ADAM22: variants seen among roughly 807,000 people sequenced by gnomAD.
ADAM22 encodes the protein ADAM metallopeptidase domain 22.
In ADAM22, 65 loss-of-function variants were observed where a neutral mutation model predicts 144.6. That is an observed-to-expected ratio of 0.45 (90% CI 0.37 to 0.55). The LOEUF (loss-of-function observed/expected upper bound fraction) is 0.55. Ranked by LOEUF, ADAM22 falls within the 20% of genes least tolerant of loss-of-function variation. The probability of loss-of-function intolerance (pLI) is 0.00; values close to 1 mark genes in which losing one functional copy is unlikely to be tolerated. For synonymous variants in ADAM22, 391 were observed against 412.6 expected (o/e 0.95, Z 0.63); for missense variants, 974 against 1,184.9 (o/e 0.82, Z 2.61).
chr7:88,137,683 A>G (rs1307076211), intron 14 of ADAM22, among the ~76,000 whole-genome samples: 1 of 152,166 alleles, frequency 6.6e-6, no homozygotes, highest in East Asian at 1.9e-4. Flanking sequence ...ATTAGTTATA[A>G]ATTTTTGAGG....
intron 30 of ADAM22, among the ~76,000 whole-genome samples, chr7:88,189,229 TATCTCGCCACACCCA>T (rs1463826469): frequency 2.6e-5 from 4 of 152,044 alleles, no homozygotes; most frequent in Non-Finnish European, 5.9e-5. Context: ...ACAAGAGCAT[TATCTCGCCACACCCA>T]GATCCTGGAT....
chr7:88,037,839 AT>A, intron 3 of ADAM22, among the ~76,000 whole-genome samples: 2 of 152,310 alleles, frequency 1.3e-5, no homozygotes, highest in South Asian at 4.1e-4. Flanking sequence ...TTCTGTGATA[AT>A]ATAGCCATAT....
At chr7:87,955,119 C>T (rs1490854317) in intron 2 of ADAM22, among the ~76,000 whole-genome samples, 14 of 152,190 alleles carry the variant, frequency 9.2e-5, no homozygotes, top group Middle Eastern at 3.2e-3. Flanking sequence ...TCATCTGAAG[C>T]CTTCTTCTCT....
intron 3 of ADAM22, among the ~76,000 whole-genome samples, chr7:88,067,366 A>G (rs56399147): frequency 0.37 from 56,737 of 151,320 alleles, 11,851 homozygotes; most frequent in East Asian, 0.62. Context: ...ATTCAGCATT[A>G]GGTATATCTC....
intron 29 of ADAM22, among the ~76,000 whole-genome samples, chr7:88,182,713 T>C (rs182993123): frequency 2.4e-4 from 37 of 152,284 alleles, no homozygotes; most frequent in Non-Finnish European, 4.3e-4. Flanking sequence ...ATTTGTTTTG[T>C]TTGTTTCTCC....
At chr7:88,171,764 T>C (rs898769470) in intron 26 of ADAM22, among the ~76,000 whole-genome samples, 43 of 151,808 alleles carry the variant, frequency 2.8e-4, no homozygotes, top group African/African-American at 9.7e-4. Context: ...TGTCATTTAA[T>C]TTTAATGGAT....
chr7:88,195,506 ATTTATTTTAT>A (rs749654329), intron 31 of ADAM22, among the ~76,000 whole-genome samples: 6 of 151,708 alleles, frequency 4.0e-5, no homozygotes, highest in Non-Finnish European at 7.4e-5. Flanking sequence ...AGAACCTTTT[ATTTATTTTAT>A]TTTATTTTAT....
intron 2 of ADAM22, among the ~76,000 whole-genome samples, chr7:87,970,323 A>G (rs1003233001): frequency 6.6e-6 from 1 of 152,172 alleles, no homozygotes. Flanking sequence ...AACTGAGCTG[A>G]AAGAGTCAAA....
intron 5 of ADAM22, among the ~76,000 whole-genome samples, chr7:88,110,763 G>A (rs1160828077): frequency 1.5e-5 from 1 of 66,080 alleles, no homozygotes. Flanking sequence ...ATTCTTTTCT[G>A]TCAGAGTCTC....
chr7:88,148,437 T>C (rs1837239520), intron 17 of ADAM22, among the ~76,000 whole-genome samples: 2 of 152,080 alleles, frequency 1.3e-5, no homozygotes, highest in Non-Finnish European at 2.9e-5. Flanking sequence ...CAAAAATGCC[T>C]ATATGAAGAC....
chr7:87,945,682 T>G (rs150133262), intron 2 of ADAM22, among the ~76,000 whole-genome samples: 3,406 of 152,018 alleles, frequency 0.022, 125 homozygotes, highest in African/African-American at 0.077. Flanking sequence ...CCAGCTAATT[T>G]TTTGTATTTT....
rs963696478 is a variant in ADAM22 at position 88,198,359 on chromosome 7, A to C, written c.*1868A>C. The stretch of plus-strand genomic sequence containing the variant: ...CAATTTAATGATCCAAAATTACATA[A>C]TGTAAAACAGCATTTTTCATGACAG... On this transcript the variant is annotated 3_prime_UTR_variant, in exon 32 of 32. Transcript: ENST00000413139. 3.9e-5 allele frequency: 6 copies of C among 152,214 alleles called. No individual in the cohort carries two copies. Among genetic ancestry groups the C allele is most frequent in the Non-Finnish European group, 8.8e-5 (6 of 68,042 alleles). The allele number at this position is 152,214 out of a possible 1,614,324, so 9.4% of individuals were successfully genotyped here.
intron 3 of ADAM22, among the ~76,000 whole-genome samples, chr7:88,025,381 T>G (rs1385643111): frequency 6.6e-6 from 1 of 152,230 alleles, no homozygotes; most frequent in Non-Finnish European, 1.5e-5. Context: ...TAACTTAATG[T>G]GATCCCATTT....
intron 3 of ADAM22, among the ~76,000 whole-genome samples, chr7:88,001,072 CA>C (rs1256377579): frequency 6.6e-6 from 1 of 152,140 alleles, no homozygotes; most frequent in East Asian, 1.9e-4. Flanking sequence ...GATATCCTCC[CA>C]AAAAGTTACC....
intron 7 of ADAM22, among the ~76,000 whole-genome samples, chr7:88,124,233 G>GA (rs1829927303): frequency 6.6e-6 from 1 of 151,086 alleles, no homozygotes; most frequent in African/African-American, 2.4e-5. Flanking sequence ...CTATAACTTT[G>GA]AATTTGTCTA....
At chr7:88,126,723 A>G (rs990829332) in intron 8 of ADAM22, among the ~76,000 whole-genome samples, 2 of 151,944 alleles carry the variant, frequency 1.3e-5, no homozygotes, top group Non-Finnish European at 2.9e-5. Context: ...CCCTAATTCA[A>G]AAATTAGAAA....
intron 3 of ADAM22, among the ~76,000 whole-genome samples, chr7:88,013,186 C>T (rs1243508998): frequency 6.6e-6 from 1 of 152,162 alleles, no homozygotes. Context: ...AGCTTCTGCT[C>T]CAGATAAACT....
At chr7:88,156,669 T>C (rs2129527897) in intron 22 of ADAM22, among the ~76,000 whole-genome samples, 1 of 152,220 alleles carries the variant, frequency 6.6e-6, no homozygotes, top group African/African-American at 2.4e-5. Context: ...AGCAGTTAGA[T>C]ACTCAGATTA....
intron 2 of ADAM22, among the ~76,000 whole-genome samples, chr7:87,956,226 C>A (rs1004721655): frequency 6.6e-6 from 1 of 152,142 alleles, no homozygotes; most frequent in Non-Finnish European, 1.5e-5. Context: ...GCATCACTCA[C>A]GCTGGGAGCT....
Sources: gnomAD v4.1 joint callset for allele counts (sites outside exome capture counted in the v4.1 genomes callset) on GRCh38, gnomAD v4.1.1 for gene constraint, MANE v1.5 for transcripts, NCBI Gene and HGNC (gene_info 2026-07-23, HGNC 2026-07-21) for gene names.